The following GRK4 variants were observed in gnomAD, a reference collection of about 807,000 sequenced individuals.
GRK4 encodes the protein G protein-coupled receptor kinase 2-like.
A neutral mutation model predicts 77.9 loss-of-function variants in GRK4; 73 were observed. The observed-to-expected ratio is 0.94, with a 90% confidence interval of 0.78 to 1.14. The LOEUF is 1.14. GRK4 is among the 50% of genes most tolerant of loss of function. The probability of loss-of-function intolerance (pLI) is 0.00; values close to 1 mark genes in which losing one functional copy is unlikely to be tolerated. For synonymous variants in GRK4, 257 were observed against 254.4 expected (o/e 1.01, Z -0.10); for missense variants, 729 against 700.2 (o/e 1.04, Z -0.46).
At chr4:2,979,569 C>T (rs1041054526) in intron 1 of GRK4, among the ~76,000 whole-genome samples, 9 of 152,064 alleles carry the variant, frequency 5.9e-5, no homozygotes, top group African/African-American at 1.4e-4. Context: ...CAAAATTAGC[C>T]GGGCGTGGTG....
At chr4:2,973,324 T>C (rs1402048633) in intron 1 of GRK4, among the ~76,000 whole-genome samples, 1 of 152,158 alleles carries the variant, frequency 6.6e-6, no homozygotes, top group Non-Finnish European at 1.5e-5. Context: ...GTCCAGGGGC[T>C]TCTCGCCTTC....
intron 1 of GRK4, among the ~76,000 whole-genome samples, chr4:2,980,712 C>T (rs969377541): frequency 6.6e-6 from 1 of 152,170 alleles, no homozygotes; most frequent in African/African-American, 2.4e-5. Flanking sequence ...CCCGTGAACA[C>T]AAACCCACTG....
chr4:2,969,627 C>T (rs543886739), intron 1 of GRK4, among the ~76,000 whole-genome samples: 21 of 151,798 alleles, frequency 1.4e-4, no homozygotes, highest in Admixed American at 2.0e-4. Flanking sequence ...CCGCCCACCT[C>T]GGCCTCCCAA....
At position 2,992,203 on chromosome 4, in the gene GRK4, C is replaced by A; in HGVS notation, c.262-12C>A. On this transcript the variant is annotated splice_polypyrimidine_tract_variant and intron_variant, in intron 3 of 15. Coordinates refer to ENST00000398052, the MANE Select transcript of GRK4 (RefSeq NM_182982.3). ...TTAACTGTTCTTTCTTTTCTTCCAT[C>A]TCTCCAATCAGGCAGAATATGAAGT... 1 of 1,594,602 alleles carries A rather than the reference C, an allele frequency of 6.3e-7. No homozygotes were observed. The highest frequency in any genetic ancestry group is 8.6e-7 in the Non-Finnish European group (1 of 1,162,728).
At chr4:3,026,538 T>C (rs1248521421) in intron 10 of GRK4, among the ~76,000 whole-genome samples, 6 of 152,136 alleles carry the variant, frequency 3.9e-5, no homozygotes, top group Admixed American at 6.6e-5. Context: ...AAGACCAGCC[T>C]GGGCAACATG....
At chr4:3,018,085 T>A (rs1735049943) in intron 8 of GRK4, among the ~76,000 whole-genome samples, 1 of 151,382 alleles carries the variant, frequency 6.6e-6, no homozygotes, top group South Asian at 2.1e-4. Context: ...TTTTTTTTTT[T>A]TTTAGATAGA....
chr4:3,034,110 C>A (rs1739922478), intron 12 of GRK4, among the ~76,000 whole-genome samples: 1 of 152,032 alleles, frequency 6.6e-6, no homozygotes, highest in Non-Finnish European at 1.5e-5. Flanking sequence ...GTGGAGGATC[C>A]CCTCAGGCTG....
At chr4:2,990,228 A>ATTCTTC (rs1413330936) in intron 3 of GRK4, among the ~76,000 whole-genome samples, 1 of 114,934 alleles carries the variant, frequency 8.7e-6, no homozygotes, top group African/African-American at 3.2e-5. Flanking sequence ...GAATAAGGTG[A>ATTCTTC]TTCTTCTTCT....
At chr4:2,981,711 A>C (rs982508266) in intron 1 of GRK4, among the ~76,000 whole-genome samples, 1 of 152,228 alleles carries the variant, frequency 6.6e-6, no homozygotes, top group Admixed American at 6.5e-5. Context: ...TCCAGTCTGC[A>C]GAACTGGCAG....
chr4:3,018,877 TCAA>T (rs747922761), intron 8 of GRK4, among the ~76,000 whole-genome samples: 8 of 152,068 alleles, frequency 5.3e-5, no homozygotes, highest in Non-Finnish European at 1.0e-4. Context: ...AGACTGTGTC[TCAA>T]AAAAATAAAG....
chr4:3,009,824 G>A (rs1174648888), intron 7 of GRK4, 113 bp downstream of exon 7: 2 of 640,076 alleles, frequency 3.1e-6, no homozygotes, highest in East Asian at 2.7e-5. Flanking sequence ...TTGCCTTAGT[G>A]GGTGTTTTGG....
At position 3,029,407 on chromosome 4, in the gene GRK4, A is replaced by G; in HGVS notation, c.1267A>G (p.Met423Val). ...FSEDAKSICR[M>V]LLTKNPSKRL... ...AGAGGATGCCAAATCTATCTGCAGG[A>G]TGGTAAGTCAGGCTCTGTAGAGGCT... The change falls in exon 12 of 16, where the codon ATG becomes GTG. Residue 423 changes from methionine to valine, a missense_variant and splice_region_variant. Met to Val is a conservative substitution (Grantham distance 21). Transcript: ENST00000398052. The G allele has an allele frequency of 1.2e-6, 2 of 1,612,124 alleles. No individual in the cohort carries two copies. The highest frequency in any genetic ancestry group is 1.3e-5 in the African/African-American group (1 of 75,002).
At chr4:2,977,353 A>G (rs1721526670) in intron 1 of GRK4, among the ~76,000 whole-genome samples, 1 of 152,140 alleles carries the variant, frequency 6.6e-6, no homozygotes. Flanking sequence ...CACAGACAAC[A>G]CTGAACTAAA....
rs770341874 is a variant in GRK4, at chr4:3,007,718, TA to T, written c.444-12del. ...TTAATACAACAAATGTATATAATTT[TA>T]AAAAATCTTTTTCTAGAGTTGCCCA... is the stretch of plus-strand genomic sequence containing the variant. On this transcript the variant is annotated splice_polypyrimidine_tract_variant and intron_variant, in intron 5 of 15. Transcript: ENST00000398052. The T allele has an allele frequency of 6.6e-7, 1 of 1,505,536 alleles. No individual in the cohort carries two copies. The highest frequency in any genetic ancestry group is 1.2e-5 in the South Asian group (1 of 83,204). The allele number at this position is 1,505,536 out of a possible 1,614,324, so 93.3% of individuals were successfully genotyped here.
At position 3,035,314 on chromosome 4, in the gene GRK4, A is replaced by T; in HGVS notation, c.1270-72A>T. On this transcript the variant is annotated intron_variant, in intron 12 of 15. Transcript: ENST00000398052. ...TGCCCTCCCGAGTCCTTTGGTTATTATTATGCAGGGGAGTTTTGAGTTTTC... is the reference window on the plus strand; with the variant it reads ...TGCCCTCCCGAGTCCTTTGGTTATTTTTATGCAGGGGAGTTTTGAGTTTTC... The T allele has an allele frequency of 2.0e-6, 3 of 1,472,662 alleles. No homozygotes were observed. The South Asian group carries it at 3.4e-5, about 17-fold the overall frequency. 91.2% of individuals were successfully genotyped at this position (1,472,662 alleles called of 1,614,324 possible).
Position 2,963,645 on chromosome 4 carries a change from G to C in GRK4, c.-426G>C, listed in dbSNP as rs1223088871. ...GTTAGCGCCGAGCCCGCCCGGGAGCGGGTCGCCGGCCGCGGCGGGCGCCCC... is the reference window on the plus strand; with the variant it reads ...GTTAGCGCCGAGCCCGCCCGGGAGCCGGTCGCCGGCCGCGGCGGGCGCCCC... On this transcript the variant is annotated 5_prime_UTR_variant, in exon 1 of 16. Transcript: ENST00000398052. The C allele has an allele frequency of 2.6e-6, 1 of 382,012 alleles. No individual in the cohort carries two copies. The highest frequency in any genetic ancestry group is 4.7e-5 in the East Asian group (1 of 21,274). The allele number at this position is 382,012 out of a possible 1,614,324, so 23.7% of individuals were successfully genotyped here.
chr4:2,985,429 G>A (rs1410413501), intron 2 of GRK4, among the ~76,000 whole-genome samples: 1 of 151,696 alleles, frequency 6.6e-6, no homozygotes, highest in Non-Finnish European at 1.5e-5. Context: ...TATTGAGCCA[G>A]GCATGGTGGC....
intron 12 of GRK4, among the ~76,000 whole-genome samples, chr4:3,034,520 G>A (rs928354625): frequency 1.3e-5 from 2 of 152,270 alleles, no homozygotes; most frequent in South Asian, 2.1e-4. Context: ...CACGTTTCAG[G>A]GGTCCAGGTC....
chr4:2,988,075 CAAA>C (rs67664476), intron 2 of GRK4, among the ~76,000 whole-genome samples: 25 of 33,686 alleles, frequency 7.4e-4, no homozygotes, highest in African/African-American at 2.1e-3. Flanking sequence ...GGCTCTGTCT[CAAA>C]AAAAAAAAAA....
Sources: gnomAD v4.1 joint callset for allele counts (sites outside exome capture counted in the v4.1 genomes callset) on GRCh38, gnomAD v4.1.1 for gene constraint, MANE v1.5 for transcripts, NCBI Gene and HGNC (gene_info 2026-07-23, HGNC 2026-07-21) for gene names.